RIN3: variants seen among roughly 807,000 people sequenced by gnomAD.
RIN3 encodes the protein Ras and Rab interactor 3, also known as RAB5 interacting protein 3.
RIN3 carries 54 observed loss-of-function variants against 76.3 expected under a neutral mutation model. The ratio of observed to expected loss-of-function variants is 0.71; its 90% CI spans 0.57 to 0.89. The LOEUF is 0.89. Among genes scored for constraint, RIN3 ranks in the 40% least tolerant of loss-of-function variants. The pLI is 0.00. For missense variants in RIN3, 1,256 were observed against 1,322.1 expected, an observed-to-expected ratio of 0.95 and a Z score of 0.78; for synonymous variants, 576 against 564.0, an observed-to-expected ratio of 1.02 and a Z score of -0.30.
chr14:92,530,611 G>C (rs1365780551), intron 1 of RIN3, among the ~76,000 whole-genome samples: 1 of 151,438 alleles, frequency 6.6e-6, no homozygotes, highest in African/African-American at 2.4e-5. Context: ...CTTGATCAAA[G>C]CTCTTAGCAA....
intron 7 of RIN3, among the ~76,000 whole-genome samples, chr14:92,668,723 C>A (rs1281094839): frequency 6.6e-6 from 1 of 152,174 alleles, no homozygotes; most frequent in Non-Finnish European, 1.5e-5. Context: ...CAAACTATTT[C>A]CAGGAAACTC....
chr14:92,684,896 G>C lies in RIN3; in HGVS notation c.2468-91G>C, dbSNP rs1888793008. 3 of 1,374,340 alleles carry C rather than the reference G, an allele frequency of 2.2e-6. No individual in the cohort carries two copies. In the African/African-American group the frequency reaches 4.3e-5, roughly 20 times the overall value. 85.1% of individuals were successfully genotyped at this position (1,374,340 alleles called of 1,614,324 possible). A position where few individuals can be genotyped will look rare whatever the true frequency, so the allele number is the denominator to read the frequency against. ...GCCTCAAGCAGAGGTGGTGGGCGGG[G>C]CTTGGAGGAGGTGGGTGGGGCAGGC... On this transcript the variant is annotated intron_variant, in intron 8 of 9. Coordinates refer to ENST00000216487, the MANE Select transcript of RIN3 (RefSeq NM_024832.5).
At chr14:92,595,709 C>G (rs1251840599) in intron 3 of RIN3, among the ~76,000 whole-genome samples, 1 of 152,210 alleles carries the variant, frequency 6.6e-6, no homozygotes, top group Non-Finnish European at 1.5e-5. Context: ...ATCTCTGAGG[C>G]TGACCTCACC....
chr14:92,684,951 G>A lies in RIN3; in HGVS notation c.2468-36G>A, dbSNP rs141339826. 2,061 of 1,587,804 alleles carry A rather than the reference G, an allele frequency of 1.3e-3. 24 individuals carry two copies. The African/African-American group carries it at 0.024, about 19-fold the overall frequency. On this transcript the variant is annotated intron_variant, in intron 8 of 9. Transcript: ENST00000216487. Reference sequence around the variant, plus strand: ...CTCCTTGCCTCTGGTGGGCGGAGGCGGTCCTGGCTCAGATTCCACACCCTT... The same window carrying A: ...CTCCTTGCCTCTGGTGGGCGGAGGCAGTCCTGGCTCAGATTCCACACCCTT...
chr14:92,523,797 C>T (rs909767821), intron 1 of RIN3, among the ~76,000 whole-genome samples: 19 of 152,378 alleles, frequency 1.2e-4, no homozygotes, highest in African/African-American at 4.6e-4. Flanking sequence ...CCCCCAGCCT[C>T]AGTTCTGTGC....
At chr14:92,663,763 C>T (rs749901350) in intron 7 of RIN3, among the ~76,000 whole-genome samples, 3 of 152,180 alleles carry the variant, frequency 2.0e-5, no homozygotes, top group Admixed American at 6.5e-5. Context: ...GGTTCATCCA[C>T]GGTCCTGGTT....
chr14:92,676,562 A>T lies in RIN3; in HGVS notation c.2423A>T (p.Glu808Val). The T allele has an allele frequency of 6.2e-7, 1 of 1,614,064 alleles. No individual in the cohort carries two copies. ...SNLTEMLLNV[E>V]YMMELMDPAL... ...CTCACGGAGATGCTTCTCAATGTGGAGTACATGATGGAGCTCATGGACCCC... is the reference window on the plus strand; with the variant it reads ...CTCACGGAGATGCTTCTCAATGTGGTGTACATGATGGAGCTCATGGACCCC... The change falls in exon 8 of 10, where the codon GAG (glutamate) becomes GTG (valine). Residue 808 changes from glutamate to valine, a missense_variant. Around this residue, in one of 3 missense-constraint regions of RIN3, gnomAD observed 428 missense variants for 521.2 expected, o/e 0.82. Coordinates refer to ENST00000216487, the MANE Select transcript of RIN3 (RefSeq NM_024832.5).
intron 4 of RIN3, among the ~76,000 whole-genome samples, chr14:92,639,234 AC>A (rs1278651392): frequency 6.6e-6 from 1 of 152,100 alleles, no homozygotes; most frequent in African/African-American, 2.4e-5. Flanking sequence ...AGCCATGAAG[AC>A]CCCAGGGAGG....
intron 2 of RIN3, among the ~76,000 whole-genome samples, chr14:92,556,852 CAGA>C (rs1011697293): frequency 1.4e-4 from 21 of 152,180 alleles, no homozygotes; most frequent in African/African-American, 5.1e-4. Context: ...ACTCACTCCC[CAGA>C]AGTGTTTTCT....
chr14:92,664,206 G>C (rs2140155990), intron 7 of RIN3, among the ~76,000 whole-genome samples: 1 of 151,994 alleles, frequency 6.6e-6, no homozygotes, highest in Non-Finnish European at 1.5e-5. Flanking sequence ...GTTCTGCATG[G>C]GATTTTGTTT....
At position 92,632,345 on chromosome 14, in the gene RIN3, G is replaced by T. The variant is rs79324877; in HGVS notation, c.441-8893G>T. On this transcript the variant is annotated intron_variant, in intron 4 of 9. Coordinates refer to ENST00000216487, the MANE Select transcript of RIN3 (RefSeq NM_024832.5). ...GCATCTGTGTGGAGTGAGCCTTTGG[G>T]CTGCGACTGCCCACAGAGCTCCCTC... Among the ~76,000 whole-genome samples, 495 of 152,252 alleles carry T rather than the reference G, an allele frequency of 3.3e-3. 9 individuals carry two copies. The East Asian group carries it at 0.04, about 12-fold the overall frequency.
chr14:92,531,299 A>G (rs764413650), intron 1 of RIN3, among the ~76,000 whole-genome samples: 2 of 152,120 alleles, frequency 1.3e-5, no homozygotes, highest in Non-Finnish European at 2.9e-5. Flanking sequence ...TTGAAATCCA[A>G]TCCTCTCAGG....
chr14:92,547,951 G>A (rs146874146), intron 1 of RIN3, among the ~76,000 whole-genome samples: 5 of 152,176 alleles, frequency 3.3e-5, no homozygotes, highest in Non-Finnish European at 5.9e-5. Context: ...TGATCTGCCC[G>A]CCTTGGCCTA....
rs141155255 is a variant in RIN3, at chr14:92,588,214, C to CTT, written c.367+10766_367+10767dup. Among the ~76,000 whole-genome samples, 183 of 58,836 alleles carry CTT rather than the reference C, an allele frequency of 3.1e-3. 9 individuals are homozygous for CTT. Among genetic ancestry groups the CTT allele is most frequent in the Middle Eastern group, 0.013 (1 of 80 alleles). 38.6% of individuals were successfully genotyped at this position (58,836 alleles called of 152,430 possible). A position where few individuals can be genotyped will look rare whatever the true frequency, so the allele number is the denominator to read the frequency against. On this transcript the variant is annotated intron_variant, in intron 3 of 9. Coordinates refer to ENST00000216487, the MANE Select transcript of RIN3 (RefSeq NM_024832.5). ...GGGGACCCATTCAAGCCATAGCACT[C>CTT]TTTTTTTTTTTTTTTTTTTTTTTTT...
chr14:92,626,532 T>A lies in RIN3; in HGVS notation c.440+11053T>A, dbSNP rs146956929. ...CAAAGGGAAGAGAGTTGGAGCTGATTCCTTAGAGGCAGAGGGGAAAGGAAG... is the reference window on the plus strand; with the variant it reads ...CAAAGGGAAGAGAGTTGGAGCTGATACCTTAGAGGCAGAGGGGAAAGGAAG... On this transcript the variant is annotated intron_variant, in intron 4 of 9. Transcript: ENST00000216487. Among the ~76,000 whole-genome samples, 51 of 152,306 alleles carry A rather than the reference T, an allele frequency of 3.3e-4. 1 individual carries two copies. The highest frequency in any genetic ancestry group is 2.3e-3 in the Admixed American group (35 of 15,306).
chr14:92,606,130 CCCCAGAGCCAGTCTCAAAAAAAAAAAAA>C (rs1885517421), intron 3 of RIN3, among the ~76,000 whole-genome samples: 2 of 140,136 alleles, frequency 1.4e-5, no homozygotes, highest in South Asian at 4.9e-4. Flanking sequence ...GCAGAGGGAA[CCCCAGAGCCAGTCTCAAAAAAAAAAAAA>C]AAAAAGAGGA....
intron 3 of RIN3, among the ~76,000 whole-genome samples, chr14:92,598,203 G>A (rs568091163): frequency 2.0e-5 from 3 of 152,266 alleles, no homozygotes; most frequent in African/African-American, 7.2e-5. Flanking sequence ...CCATACTGGA[G>A]AGACCATGTG....
At chr14:92,583,364 T>G (rs1405447523) in intron 3 of RIN3, among the ~76,000 whole-genome samples, 1 of 152,254 alleles carries the variant, frequency 6.6e-6, no homozygotes, top group African/African-American at 2.4e-5. Flanking sequence ...TCTAGTTTCT[T>G]GTTAAGTGTT....
rs74072947 is a variant in RIN3, at chr14:92,544,882, G to A, written c.45-10869G>A. 9.2e-3 allele frequency among the ~76,000 whole-genome samples: 1,399 copies of A among 151,936 alleles called. 21 individuals are homozygous for A. Among genetic ancestry groups the A allele is most frequent in the African/African-American group, 0.032 (1,326 of 41,382 alleles). On this transcript the variant is annotated intron_variant, in intron 1 of 9. Transcript: ENST00000216487. ...TGCAGAACTGGTTGAAACCTCCTTC[G>A]CACCCCTCCCTGATCCTATTTTTCT...
Sources: gnomAD v4.1 joint callset for allele counts (sites outside exome capture counted in the v4.1 genomes callset) on GRCh38, gnomAD v4.1.1 for gene constraint, gnomAD v4.1.1 regional missense constraint, MANE v1.5 for transcripts, NCBI Gene and HGNC (gene_info 2026-07-23, HGNC 2026-07-21) for gene names.